OGDH: variants seen among roughly 807,000 people sequenced by gnomAD.
OGDH encodes 2-oxoglutarate dehydrogenase complex component E1.
OGDH carries 38 observed loss-of-function variants against 116.6 expected under a neutral mutation model. The observed-to-expected ratio is 0.33, with a 90% CI of 0.25 to 0.43. The LOEUF (loss-of-function observed/expected upper bound fraction) is 0.43, where lower values mean the gene tolerates loss of function less well. Ranked by LOEUF, OGDH falls within the 20% of genes least tolerant of loss-of-function variation. The pLI, the probability that OGDH is intolerant of heterozygous loss-of-function variation, is 1.00. For missense variants in OGDH, 825 were observed against 1,357.2 expected (o/e 0.61, Z 6.16); for synonymous variants, 488 against 533.3 (o/e 0.92, Z 1.17).
At chr7:44,621,790 T>A (rs548965799) in intron 1 of OGDH, among the ~76,000 whole-genome samples, 2 of 152,028 alleles carry the variant, frequency 1.3e-5, no homozygotes, top group East Asian at 3.9e-4. Flanking sequence ...GGGAATTGCT[T>A]GAACCTGGGA....
At chr7:44,630,576 CTG>C (rs1393570459) in intron 2 of OGDH, among the ~76,000 whole-genome samples, 1 of 152,204 alleles carries the variant, frequency 6.6e-6, no homozygotes, top group Non-Finnish European at 1.5e-5. Flanking sequence ...TCCTTGGTAT[CTG>C]TGGGGGATTG....
At chr7:44,689,021 A>G (rs1023994430) in intron 10 of OGDH, among the ~76,000 whole-genome samples, 1 of 151,958 alleles carries the variant, frequency 6.6e-6, no homozygotes, top group African/African-American at 2.4e-5. Context: ...AGGTGCTCTT[A>G]TTACAGGCAT....
At chr7:44,699,234 TG>T (rs1278130683) in intron 18 of OGDH, among the ~76,000 whole-genome samples, 2 of 152,084 alleles carry the variant, frequency 1.3e-5, no homozygotes, top group African/African-American at 2.4e-5. Flanking sequence ...GAGACCACCC[TG>T]GCCAATATAG....
intron 1 of OGDH, among the ~76,000 whole-genome samples, chr7:44,616,858 CACATATATATATACGTAT>C (rs1784820736): frequency 9.3e-6 from 1 of 107,812 alleles, no homozygotes; most frequent in African/African-American, 3.7e-5. Flanking sequence ...TATATATATA[CACATATATATATACGTAT>C]ATATATATGT....
chr7:44,707,518 CT>C lies in OGDH; in HGVS notation c.2797-61del. On this transcript the variant is annotated intron_variant, in intron 21 of 22. Coordinates refer to ENST00000222673, the MANE Select transcript of OGDH (RefSeq NM_002541.4). The surrounding 1 kb of genome is among the most constrained non-coding windows in gnomAD (Gnocchi z 5.2). ...TTCCCTGCTCGGAACACCAGTTTCC[CT>C]TTGCTGGATCTTGCCTGCCCTCTGA... is the stretch of plus-strand genomic sequence containing the variant. 1 of 1,602,942 alleles carries C rather than the reference CT, an allele frequency of 6.2e-7. No individual in the cohort carries two copies. The highest frequency in any genetic ancestry group is 2.2e-5 in the East Asian group (1 of 44,786).
intron 2 of OGDH, among the ~76,000 whole-genome samples, chr7:44,626,657 C>A (rs1785220234): frequency 6.6e-6 from 1 of 152,200 alleles, no homozygotes; most frequent in Non-Finnish European, 1.5e-5. Context: ...GGCCACAGTG[C>A]TGTGGACACT....
chr7:44,663,904 C>T (rs752526507), intron 4 of OGDH, among the ~76,000 whole-genome samples: 2 of 151,470 alleles, frequency 1.3e-5, no homozygotes, highest in Non-Finnish European at 2.9e-5. Flanking sequence ...CAAACCAGTA[C>T]ACTCCAGCCT....
intron 4 of OGDH, among the ~76,000 whole-genome samples, chr7:44,648,049 A>C (rs1447007772): frequency 5.9e-5 from 9 of 152,234 alleles, no homozygotes; most frequent in Admixed American, 5.9e-4. Flanking sequence ...GATCAGAAGC[A>C]CTTCAGAGTA....
intron 2 of OGDH, among the ~76,000 whole-genome samples, chr7:44,627,921 C>T (rs1785272009): frequency 6.6e-6 from 1 of 152,208 alleles, no homozygotes; most frequent in Admixed American, 6.5e-5. Context: ...AATCAGTCTG[C>T]CCACCTCAGC....
At chr7:44,625,188 G>C (rs1785156367) in intron 2 of OGDH, among the ~76,000 whole-genome samples, 1 of 152,100 alleles carries the variant, frequency 6.6e-6, no homozygotes, top group South Asian at 2.1e-4. Flanking sequence ...GCAGTGGCGG[G>C]ATCTCGGCTT....
chr7:44,707,508 A>G lies in OGDH; in HGVS notation c.2797-74A>G, dbSNP rs1308282283. On this transcript the variant is annotated intron_variant, in intron 21 of 22. Transcript: ENST00000222673. The surrounding 1 kb of genome is among the most constrained non-coding windows in gnomAD (Gnocchi z 5.2). Reference sequence around the variant, plus strand: ...GTTCCTGACCTTCCCTGCTCGGAACACCAGTTTCCCTTTGCTGGATCTTGC... The same window carrying G: ...GTTCCTGACCTTCCCTGCTCGGAACGCCAGTTTCCCTTTGCTGGATCTTGC... The G allele has an allele frequency of 6.3e-7, 1 of 1,599,758 alleles. No homozygotes were observed. Among genetic ancestry groups the G allele is most frequent in the African/African-American group, 1.3e-5 (1 of 74,598 alleles).
At chr7:44,636,041 A>G (rs1785655116) in intron 2 of OGDH, among the ~76,000 whole-genome samples, 2 of 152,200 alleles carry the variant, frequency 1.3e-5, no homozygotes, top group Admixed American at 6.5e-5. Flanking sequence ...ATGCAGGACC[A>G]TCATCTTAAA....
At chr7:44,686,682 TTTTTTTC>T (rs1213626246) in intron 10 of OGDH, among the ~76,000 whole-genome samples, 1 of 147,546 alleles carries the variant, frequency 6.8e-6, no homozygotes, top group African/African-American at 2.6e-5. Flanking sequence ...TTTTATTTTC[TTTTTTTC>T]TTTTTTTTTT....
chr7:44,641,644 G>A (rs1436109799), intron 2 of OGDH, among the ~76,000 whole-genome samples: 3 of 152,318 alleles, frequency 2.0e-5, no homozygotes, highest in Admixed American at 6.5e-5. Context: ...TCTCCTTTTA[G>A]GTCAGGTCCT....
chr7:44,671,874 C>G (rs1171483677), intron 5 of OGDH, among the ~76,000 whole-genome samples: 1 of 151,400 alleles, frequency 6.6e-6, no homozygotes, highest in Non-Finnish European at 1.5e-5. Flanking sequence ...TCAAGACCAT[C>G]ATGGCTAACA....
intron 2 of OGDH, among the ~76,000 whole-genome samples, chr7:44,625,679 T>G (rs2117300667): frequency 1.3e-5 from 2 of 152,320 alleles, no homozygotes; most frequent in Middle Eastern, 3.4e-3. Flanking sequence ...TAGCCAACAT[T>G]GCTTATCTTC....
chr7:44,687,014 G>C (rs1788157930), intron 10 of OGDH, among the ~76,000 whole-genome samples: 1 of 148,228 alleles, frequency 6.7e-6, no homozygotes, highest in Admixed American at 6.7e-5. Flanking sequence ...GTTTTCAGAA[G>C]TTTGATGTAT....
intron 1 of OGDH, among the ~76,000 whole-genome samples, chr7:44,624,072 TG>T (rs1314813041): frequency 1.3e-5 from 2 of 152,122 alleles, no homozygotes; most frequent in Non-Finnish European, 2.9e-5. Flanking sequence ...ACAGCTCTGT[TG>T]TGCTCTCAGG....
rs377357913 is a variant in OGDH, at chr7:44,663,958, AAG to A, written c.518-2776_518-2775del. Among the ~76,000 whole-genome samples the A allele has an allele frequency of 5.1e-4, 77 of 152,172 alleles. 1 individual carries two copies. The highest frequency in any genetic ancestry group is 1.8e-3 in the African/African-American group (74 of 41,514). On this transcript the variant is annotated intron_variant, in intron 4 of 22. Coordinates refer to ENST00000222673, the MANE Select transcript of OGDH (RefSeq NM_002541.4). ...CTGTCTCAAAAAAAAAAAAAGAAAAAAGAAATTGTTTGATGATGACTGTTCAA... is the reference window on the plus strand; with the variant it reads ...CTGTCTCAAAAAAAAAAAAAGAAAAAAAATTGTTTGATGATGACTGTTCAA...
Sources: gnomAD v4.1 joint callset for allele counts (sites outside exome capture counted in the v4.1 genomes callset) on GRCh38, gnomAD v4.1.1 for gene constraint, Gnocchi (gnomAD v3.1) non-coding constraint, MANE v1.5 for transcripts, NCBI Gene and HGNC (gene_info 2026-07-23, HGNC 2026-07-21) for gene names.